FBXO9: variants seen among roughly 807,000 people sequenced by gnomAD.
The protein encoded by FBXO9 is F-box only protein 9.
FBXO9 carries 43 observed loss-of-function variants against 63.7 expected under a neutral mutation model. The observed-to-expected ratio is 0.67, with a 90% CI of 0.53 to 0.87. FBXO9 has a LOEUF of 0.87. FBXO9 is among the 40% of genes least tolerant of loss of function. The probability of loss-of-function intolerance (pLI) is 0.00; values close to 1 mark genes in which losing one functional copy is unlikely to be tolerated. For missense variants in FBXO9, 442 were observed against 533.2 expected, an observed-to-expected ratio of 0.83 and a Z score of 1.68; for synonymous variants, 156 against 171.7, an observed-to-expected ratio of 0.91 and a Z score of 0.72.
intron 12 of FBXO9, among the ~76,000 whole-genome samples, chr6:53,096,995 A>T (rs1763230119): frequency 6.6e-6 from 1 of 152,170 alleles, no homozygotes; most frequent in Non-Finnish European, 1.5e-5. Flanking sequence ...TTAGAAAAAC[A>T]TTGTTTATTT....
intron 4 of FBXO9, among the ~76,000 whole-genome samples, chr6:53,076,775 A>T (rs1473623242): frequency 7.1e-6 from 1 of 141,276 alleles, no homozygotes; most frequent in Non-Finnish European, 1.5e-5. Context: ...TTATGTAAAT[A>T]GTTATTATAC....
At position 53,097,916 on chromosome 6, in the gene FBXO9, GCGTGTGTGTGTATATA is replaced by G. The variant is rs1763257549; in HGVS notation, c.*87_*102del. 1 of 23,264 alleles carries G rather than the reference GCGTGTGTGTGTATATA, an allele frequency of 4.3e-5. No individual in the cohort carries two copies. The highest frequency in any genetic ancestry group is 1.4e-3 in the East Asian group (1 of 738). The allele number at this position is 23,264 out of a possible 1,614,324, so 1.4% of individuals were successfully genotyped here. ...ACCTAAGTTATAAATGTGTGTGTGT[GCGTGTGTGTGTATATA>G]TATATATATATATATATATATATAT... On this transcript the variant is annotated 3_prime_UTR_variant, in exon 13 of 13. Transcript: ENST00000323557.
chr6:53,086,145 A>G (rs1762878976), intron 7 of FBXO9, among the ~76,000 whole-genome samples: 1 of 152,156 alleles, frequency 6.6e-6, no homozygotes, highest in Admixed American at 6.5e-5. Context: ...GTGAAACTAC[A>G]TCTCAAAAAA....
In FBXO9 at chr6:53,081,003, A is replaced by T; in HGVS notation, c.443A>T (p.Asp148Val). 1 of 1,613,784 alleles carries T rather than the reference A, an allele frequency of 6.2e-7. No individual in the cohort carries two copies. The highest frequency in any genetic ancestry group is 8.5e-7 in the Non-Finnish European group (1 of 1,179,880). ...EDNDDDSKMA[D>V]LLSYFQQQLT... is the part of the protein sequence containing the mutation. ...AATGATGATGACAGCAAAATGGCAG[A>T]TCTCTTGTCCTACTTCCAGCAGCAA... The change falls in exon 6 of 13, where the codon GAT (aspartate) becomes GTT (valine). Residue 148 changes from aspartate to valine, a missense_variant. Transcript: ENST00000323557.
At chr6:53,078,293 A>G (rs1289558451) in intron 4 of FBXO9, among the ~76,000 whole-genome samples, 1 of 152,144 alleles carries the variant, frequency 6.6e-6, no homozygotes, top group Non-Finnish European at 1.5e-5. Context: ...GTCTCTACAA[A>G]AAATTTAAAA....
At chr6:53,097,465 G>C (rs573000983) in intron 12 of FBXO9, among the ~76,000 whole-genome samples, 1 of 152,108 alleles carries the variant, frequency 6.6e-6, no homozygotes, top group East Asian at 1.9e-4. Flanking sequence ...GAAATAAAAA[G>C]AATTACTAAG....
chr6:53,097,295 G>A (rs1173465288), intron 12 of FBXO9, among the ~76,000 whole-genome samples: 7 of 152,114 alleles, frequency 4.6e-5, no homozygotes. Context: ...AGGAATCTCT[G>A]AAGGACATCA....
intron 7 of FBXO9, among the ~76,000 whole-genome samples, chr6:53,082,902 A>G (rs187330916): frequency 4.1e-4 from 62 of 152,360 alleles, no homozygotes; most frequent in Non-Finnish European, 7.5e-4. Flanking sequence ...AAAAAGAGTT[A>G]TATTAGAAAA....
chr6:53,065,864 G>A, intron 1 of FBXO9, 72 bp downstream of exon 1: 4 of 1,259,450 alleles, frequency 3.2e-6, no homozygotes, highest in Non-Finnish European at 4.0e-6. Flanking sequence ...GCCGGGCCTA[G>A]GGCTGGGGGT....
rs1763298715 is a variant in FBXO9, at chr6:53,099,537, T to A, written c.*1707T>A. ...AGGAGGATTGCTTGAGGTCAGGAGT[T>A]TTAGACCAGCCTGGACAACATAGCA... On this transcript the variant is annotated 3_prime_UTR_variant, in exon 13 of 13. Coordinates refer to ENST00000323557, the MANE Select transcript of FBXO9 (RefSeq NM_033480.3). 6.6e-6 allele frequency: 1 copy of A among 151,234 alleles called. No individual in the cohort carries two copies. The highest frequency in any genetic ancestry group is 1.5e-5 in the Non-Finnish European group (1 of 68,032). The allele number at this position is 151,234 out of a possible 1,614,324, so 9.4% of individuals were successfully genotyped here.
chr6:53,075,229 G>A (rs1384560353), intron 3 of FBXO9, among the ~76,000 whole-genome samples: 6 of 151,502 alleles, frequency 4.0e-5, no homozygotes, highest in South Asian at 2.1e-4. Flanking sequence ...TCTGCCTCCC[G>A]GGTTCAAGCG....
At chr6:53,078,928 C>A in intron 5 of FBXO9, 30 bp downstream of exon 5, 2 of 1,525,042 alleles carry the variant, frequency 1.3e-6, no homozygotes, top group Non-Finnish European at 1.8e-6. Context: ...GATAGTAATG[C>A]ATAGAGTTTG....
At chr6:53,094,756 T>C in intron 11 of FBXO9, 1 of 444,644 alleles carries the variant, frequency 2.2e-6, no homozygotes, top group African/African-American at 2.0e-5. Flanking sequence ...CGTCTCCACT[T>C]CCCTCTGATG....
chr6:53,073,525 T>A lies in FBXO9; in HGVS notation c.135T>A (p.Ala45=). Residue 45 remains alanine (A), a synonymous_variant, in exon 3 of 13, where the codon GCT becomes GCA. Coordinates refer to ENST00000323557, the MANE Select transcript of FBXO9 (RefSeq NM_033480.3). ...GAGCTCAGTGGATGTTTGAACTTGCTCCAGGTGTAAGCTCTAGCAATTTAG... is the reference window on the plus strand; with the variant it reads ...GAGCTCAGTGGATGTTTGAACTTGCACCAGGTGTAAGCTCTAGCAATTTAG... ...MFRAQWMFEL[A]PGVSSSNLEN... 1 of 1,613,820 alleles carries A rather than the reference T, an allele frequency of 6.2e-7. No individual in the cohort carries two copies. The highest frequency in any genetic ancestry group is 8.5e-7 in the Non-Finnish European group (1 of 1,179,818).
intron 7 of FBXO9, among the ~76,000 whole-genome samples, chr6:53,089,311 G>A (rs925750005): frequency 6.6e-6 from 1 of 151,936 alleles, no homozygotes; most frequent in African/African-American, 2.4e-5. Context: ...TCCTGACCTC[G>A]TGATCCGCCT....
rs1763282371 is a variant in FBXO9 at position 53,098,705 on chromosome 6, C to G, written c.*875C>G. Reference sequence around the variant, plus strand: ...TATGACATTAAGTGAGAGTGAATCCCTTAGGACTGGAACACTTCAAGCTCA... The same window carrying G: ...TATGACATTAAGTGAGAGTGAATCCGTTAGGACTGGAACACTTCAAGCTCA... On this transcript the variant is annotated 3_prime_UTR_variant, in exon 13 of 13. Transcript: ENST00000323557. 6.6e-6 allele frequency: 1 copy of G among 152,202 alleles called. No individual in the cohort carries two copies. Among genetic ancestry groups the G allele is most frequent in the African/African-American group, 2.4e-5 (1 of 41,454 alleles). 9.4% of individuals were successfully genotyped at this position (152,202 alleles called of 1,614,324 possible).
In FBXO9 at chr6:53,076,522, C is replaced by A; in HGVS notation, c.286C>A (p.Gln96Lys). The change falls in exon 4 of 13, where the codon CAA becomes AAA. Residue 96 changes from glutamine (Q) to lysine (K), a missense_variant. Gln to Lys is a moderately conservative substitution (Grantham distance 53). This residue lies in a region of FBXO9 where 180 missense variants were observed against 171.1 expected (regional missense o/e 1.05). Transcript: ENST00000323557. ...CTTCCTAAAAGCAGTAGAAGAAGAA[C>A]AAAATGGAGCTCTCTATGAAGGTAA... ...ELFLKAVEEEQNGALYEAIKF... is the reference protein window; with the variant it reads ...ELFLKAVEEEKNGALYEAIKF... 1 of 1,544,920 alleles carries A rather than the reference C, an allele frequency of 6.5e-7. No individual in the cohort carries two copies. The highest frequency in any genetic ancestry group is 8.6e-7 in the Non-Finnish European group (1 of 1,156,638).
intron 1 of FBXO9, 163 bp downstream of exon 1, chr6:53,065,955 G>A (rs1348213806): frequency 5.2e-6 from 6 of 1,161,764 alleles, no homozygotes; most frequent in Non-Finnish European, 6.5e-6. Flanking sequence ...AGTGCGTCGG[G>A]GGGCGGGGGG....
intron 2 of FBXO9, among the ~76,000 whole-genome samples, chr6:53,071,866 A>T (rs967199090): frequency 6.6e-6 from 1 of 152,204 alleles, no homozygotes; most frequent in Non-Finnish European, 1.5e-5. Flanking sequence ...AACTATAAAG[A>T]TGTTTAGTAT....
Sources: gnomAD v4.1 joint callset for allele counts (sites outside exome capture counted in the v4.1 genomes callset) on GRCh38, gnomAD v4.1.1 for gene constraint, gnomAD v4.1.1 regional missense constraint, MANE v1.5 for transcripts, NCBI Gene and HGNC (gene_info 2026-07-23, HGNC 2026-07-21) for gene names.